BCAR3: variants seen among roughly 807,000 people sequenced by gnomAD.
BCAR3 encodes BCAR3 adaptor protein, NSP family member.
BCAR3 carries 37 observed loss-of-function variants against 80.1 expected under a neutral mutation model. The observed-to-expected ratio is 0.46, with a 90% CI of 0.36 to 0.61. The LOEUF (loss-of-function observed/expected upper bound fraction) is 0.61, where lower values mean the gene tolerates loss of function less well. Ranked by LOEUF, BCAR3 falls within the 20% of genes least tolerant of loss-of-function variation. The pLI is 0.00. For synonymous variants in BCAR3, 389 were observed against 418.9 expected, an observed-to-expected ratio of 0.93 and a Z score of 0.87; for missense variants, 978 against 1,068.2, an observed-to-expected ratio of 0.92 and a Z score of 1.18.
At chr1:93,761,884 G>A (rs544687982) in intron 2 of BCAR3, among the ~76,000 whole-genome samples, 25 of 152,156 alleles carry the variant, frequency 1.6e-4, no homozygotes, top group Admixed American at 1.5e-3. Flanking sequence ...GTCCCCTTCC[G>A]GTTTTCTCTC....
intron 2 of BCAR3, among the ~76,000 whole-genome samples, chr1:93,647,674 A>G (rs1169617408): frequency 6.6e-6 from 1 of 152,234 alleles, no homozygotes; most frequent in Non-Finnish European, 1.5e-5. Flanking sequence ...CTTAGTAACT[A>G]AAGTACCAAA....
intron 2 of BCAR3, among the ~76,000 whole-genome samples, chr1:93,822,246 C>T (rs1360841106): frequency 6.8e-6 from 1 of 147,294 alleles, no homozygotes; most frequent in Non-Finnish European, 1.5e-5. Flanking sequence ...GGTGTGATCT[C>T]GGCTCACTGC....
intron 2 of BCAR3, among the ~76,000 whole-genome samples, chr1:93,664,362 G>A (rs762994251): frequency 3.9e-5 from 6 of 152,046 alleles, no homozygotes; most frequent in Non-Finnish European, 5.9e-5. Context: ...CAGGTGATCC[G>A]CCCACCTCGG....
chr1:93,690,551 C>T (rs553185977), intron 3 of BCAR3, among the ~76,000 whole-genome samples: 3 of 152,292 alleles, frequency 2.0e-5, no homozygotes, highest in South Asian at 2.1e-4. Context: ...TGCTCTTAAT[C>T]ACTAGGGTTC....
rs147493231 is a variant in BCAR3, at chr1:93,639,535, C to T, written c.357+2769G>A. 6.3e-3 allele frequency among the ~76,000 whole-genome samples: 913 copies of T among 145,784 alleles called. 5 individuals are homozygous for T. Among genetic ancestry groups the T allele is most frequent in the Non-Finnish European group, 9.1e-3 (610 of 66,958 alleles). On this transcript the variant is annotated intron_variant, in intron 3 of 11. Transcript: ENST00000260502. ...CTTGTCACCCAGGCTGCAGTGCAAT[C>T]GTGCGACTTCAGCTCACTGCAACCT...
At chr1:93,614,016 C>T in intron 3 of BCAR3, 2 of 1,518,414 alleles carry the variant, frequency 1.3e-6, no homozygotes. Flanking sequence ...TAGCCCACCA[C>T]AGCAGCTGTG....
intron 3 of BCAR3, among the ~76,000 whole-genome samples, chr1:93,629,783 A>G (rs1243834576): frequency 6.6e-6 from 1 of 152,242 alleles, no homozygotes; most frequent in Non-Finnish European, 1.5e-5. Context: ...TCTAAGTCAT[A>G]GAAGTTGCCA....
intron 3 of BCAR3, among the ~76,000 whole-genome samples, chr1:93,627,807 T>C (rs987825887): frequency 3.9e-5 from 6 of 152,162 alleles, no homozygotes; most frequent in African/African-American, 1.4e-4. Context: ...ATTTAAAAAG[T>C]CTTGAGACAA....
intron 2 of BCAR3, among the ~76,000 whole-genome samples, chr1:93,835,303 C>T (rs1654723272): frequency 6.6e-6 from 1 of 152,186 alleles, no homozygotes; most frequent in South Asian, 2.1e-4. Context: ...GAGTCATTCA[C>T]TGCAAGGGCC....
intron 2 of BCAR3, among the ~76,000 whole-genome samples, chr1:93,728,269 C>T (rs1650661627): frequency 6.6e-6 from 1 of 152,218 alleles, no homozygotes; most frequent in South Asian, 2.1e-4. Context: ...TCCTTAGTAC[C>T]CCGCTGCTCA....
intron 2 of BCAR3, among the ~76,000 whole-genome samples, chr1:93,658,700 T>C (rs534454761): frequency 6.8e-4 from 104 of 152,254 alleles, no homozygotes; most frequent in African/African-American, 2.5e-3. Context: ...AAAAGCGCTA[T>C]GCAAAAACCT....
intron 2 of BCAR3, among the ~76,000 whole-genome samples, chr1:93,842,125 C>T (rs988276563): frequency 6.7e-6 from 1 of 150,248 alleles, no homozygotes; most frequent in Non-Finnish European, 1.5e-5. Context: ...TTTTACATCA[C>T]AGCTGTTTGT....
At chr1:93,776,745 CT>C (rs1652566048) in intron 2 of BCAR3, among the ~76,000 whole-genome samples, 1 of 152,108 alleles carries the variant, frequency 6.6e-6, no homozygotes, top group African/African-American at 2.4e-5. Context: ...TAGATCTAGA[CT>C]TACTCTGATT....
intron 2 of BCAR3, among the ~76,000 whole-genome samples, chr1:93,670,303 G>A (rs1162011819): frequency 6.6e-6 from 1 of 152,054 alleles, no homozygotes; most frequent in Non-Finnish European, 1.5e-5. Flanking sequence ...AAAACCACAA[G>A]TACATCCAAG....
At chr1:93,779,883 A>G (rs1652706072) in intron 2 of BCAR3, among the ~76,000 whole-genome samples, 1 of 152,086 alleles carries the variant, frequency 6.6e-6, no homozygotes, top group African/African-American at 2.4e-5. Context: ...ACATGACCCC[A>G]GTGCTTCATT....
chr1:93,579,238 G>T (rs557628784), intron 7 of BCAR3, among the ~76,000 whole-genome samples: 4 of 152,206 alleles, frequency 2.6e-5, no homozygotes, highest in African/African-American at 7.2e-5. Flanking sequence ...TCAGCTTCTG[G>T]GTGGCCCTGT....
intron 2 of BCAR3, among the ~76,000 whole-genome samples, chr1:93,788,940 T>A (rs1274106200): frequency 6.6e-6 from 1 of 152,168 alleles, no homozygotes; most frequent in Non-Finnish European, 1.5e-5. Context: ...GTAAAAATAA[T>A]ACCAGCAAAT....
intron 1 of BCAR3, among the ~76,000 whole-genome samples, chr1:93,678,814 T>C (rs1370944588): frequency 4.6e-5 from 7 of 152,084 alleles, no homozygotes. Context: ...AAAAAAGGTC[T>C]GAAGGGGGTT....
chr1:93,669,175 G>C (rs1006095510), intron 2 of BCAR3, among the ~76,000 whole-genome samples: 1 of 152,192 alleles, frequency 6.6e-6, no homozygotes, highest in African/African-American at 2.4e-5. Flanking sequence ...TGAGCTAAAG[G>C]CTGGTGTATT....
Sources: allele counts gnomAD v4.1 joint callset (sites outside exome capture counted in the v4.1 genomes callset), GRCh38; gene constraint gnomAD v4.1.1; transcripts MANE v1.5; gene names NCBI Gene and HGNC (gene_info 2026-07-23, HGNC 2026-07-21).